CC2D2A: variants seen among roughly 807,000 people sequenced by gnomAD.
CC2D2A encodes the protein coiled-coil and C2 domain-containing protein 2A.
A neutral mutation model predicts 212.9 loss-of-function variants in CC2D2A; 155 were observed. The ratio of observed to expected loss-of-function variants is 0.73; its 90% CI spans 0.64 to 0.83. CC2D2A has a LOEUF of 0.83. Among genes scored for constraint, CC2D2A ranks in the 40% least tolerant of loss-of-function variants. CC2D2A has a pLI of 0.00. For synonymous variants in CC2D2A, 667 were observed against 686.5 expected, an observed-to-expected ratio of 0.97 and a Z score of 0.44; for missense variants, 1,856 against 1,956.2, an observed-to-expected ratio of 0.95 and a Z score of 0.97.
intron 1 of CC2D2A, among the ~76,000 whole-genome samples, chr4:15,473,932 G>C (rs1286878775): frequency 1.3e-5 from 2 of 152,176 alleles, no homozygotes; most frequent in Non-Finnish European, 2.9e-5. Context: ...AGGAGTAAAA[G>C]CAAAGAACTT....
chr4:15,568,081 A>G (rs974510291), intron 26 of CC2D2A, among the ~76,000 whole-genome samples: 12 of 151,932 alleles, frequency 7.9e-5, no homozygotes, highest in Admixed American at 2.0e-4. Context: ...CTTGACCCCA[A>G]TGACCTACAC....
intron 11 of CC2D2A, among the ~76,000 whole-genome samples, chr4:15,517,320 TC>T (rs1362408365): frequency 2.0e-5 from 3 of 152,274 alleles, no homozygotes; most frequent in East Asian, 3.9e-4. Context: ...TTTTTACACA[TC>T]CAGGTTAGCT....
At chr4:15,581,758 A>C (rs368973740) in intron 30 of CC2D2A, among the ~76,000 whole-genome samples, 3 of 152,246 alleles carry the variant, frequency 2.0e-5, no homozygotes, top group East Asian at 3.8e-4. Flanking sequence ...TAACCCAAAA[A>C]AACTTCAACT....
intron 9 of CC2D2A, 54 bp from the exon 10 acceptor site, chr4:15,515,814 T>G: frequency 2.6e-5 from 38 of 1,474,740 alleles, no homozygotes; most frequent in Non-Finnish European, 3.3e-5. Flanking sequence ...AACTGCAGTT[T>G]GAGATATTTA....
intron 28 of CC2D2A, 32 bp downstream of exon 28, chr4:15,570,528 C>A: frequency 7.1e-7 from 1 of 1,411,848 alleles, no homozygotes; most frequent in Non-Finnish European, 9.9e-7. Context: ...TCCATGAGAG[C>A]AGGGAATTTC....
rs756426571 is a variant in CC2D2A, at chr4:15,567,423, C to CATG, written c.3230_3232dup (p.His1077_Ala1078insAsp). The CATG allele has an allele frequency of 1.2e-6, 2 of 1,613,438 alleles. No individual in the cohort carries two copies. Among genetic ancestry groups the CATG allele is most frequent in the African/African-American group, 2.7e-5 (2 of 74,886 alleles). ...GTCTTCAAGGATGTTCAGTGAAAAG[C>CATG]ATGCTGCTTCCCCAAGCACGTACAG... On this transcript the variant is annotated inframe_insertion, in exon 25 of 37. Coordinates refer to ENST00000424120, the MANE Select transcript of CC2D2A (RefSeq NM_001378615.1).
At chr4:15,567,591 C>G in intron 25 of CC2D2A, 86 bp from the exon 26 acceptor site, 5 of 1,304,890 alleles carry the variant, frequency 3.8e-6, no homozygotes, top group Non-Finnish European at 5.3e-6. Flanking sequence ...TGGAAACATA[C>G]TACTTAGTAA....
intron 35 of CC2D2A, among the ~76,000 whole-genome samples, chr4:15,597,983 C>T (rs950530935): frequency 1.3e-5 from 2 of 152,160 alleles, no homozygotes; most frequent in Non-Finnish European, 2.9e-5. Context: ...CCAGCCCAAC[C>T]TTTCTGATTT....
At chr4:15,486,345 G>T (rs1323571595) in intron 4 of CC2D2A, among the ~76,000 whole-genome samples, 2 of 151,874 alleles carry the variant, frequency 1.3e-5, no homozygotes, top group Admixed American at 1.3e-4. Flanking sequence ...CTTGTTTTTT[G>T]TCTATTCAGA....
rs907235955 is a variant in CC2D2A, at chr4:15,599,770, A to G, written c.4674+64A>G. On this transcript the variant is annotated intron_variant, in intron 36 of 36. Coordinates refer to ENST00000424120, the MANE Select transcript of CC2D2A (RefSeq NM_001378615.1). ...CTTGTTTCAAATTGGAAATTAGCCA[A>G]TAATAGGTTTCTGGAATCAAAAGAC... The G allele has an allele frequency of 4.1e-5, 55 of 1,328,436 alleles. No homozygotes were observed. In the African/African-American group the frequency reaches 6.8e-4, roughly 16 times the overall value. 82.3% of individuals were successfully genotyped at this position (1,328,436 alleles called of 1,614,324 possible).
intron 24 of CC2D2A, 110 bp from the exon 25 acceptor site, chr4:15,567,267 C>T: frequency 1.2e-6 from 1 of 808,064 alleles, no homozygotes; most frequent in South Asian, 1.7e-5. Context: ...CACTGCACTT[C>T]AGCTTGGGCG....
At chr4:15,534,100 G>T (rs527895407) in intron 14 of CC2D2A, among the ~76,000 whole-genome samples, 1 of 152,194 alleles carries the variant, frequency 6.6e-6, no homozygotes, top group South Asian at 2.1e-4. Context: ...TTTCATACAT[G>T]CATTGACTAT....
chr4:15,519,624 A>G (rs1020054086), intron 11 of CC2D2A: 5 of 432,280 alleles, frequency 1.2e-5, no homozygotes, highest in South Asian at 8.7e-5. Flanking sequence ...ACAGTTCCAC[A>G]TGGCTGGGGA....
chr4:15,491,045 C>T (rs1454517375), intron 4 of CC2D2A, among the ~76,000 whole-genome samples: 4 of 152,250 alleles, frequency 2.6e-5, no homozygotes, highest in Non-Finnish European at 4.4e-5. Flanking sequence ...CCGAAGCTCC[C>T]GGCCGAATAA....
chr4:15,571,963 C>T (rs1027467142), intron 28 of CC2D2A, among the ~76,000 whole-genome samples: 3 of 152,252 alleles, frequency 2.0e-5, no homozygotes, highest in South Asian at 2.1e-4. Flanking sequence ...AAACCCACTA[C>T]CTTCTGAGGC....
Position 15,470,733 on chromosome 4 carries a change from A to C in CC2D2A, c.-19+676A>C, listed in dbSNP as rs1237894588. ...TATATATATATATATATATATATAT[A>C]TCCTAGAGCTCACTTATAGAGTCAT... On this transcript the variant is annotated intron_variant, in intron 1 of 36. Coordinates refer to ENST00000424120, the MANE Select transcript of CC2D2A (RefSeq NM_001378615.1). Among the ~76,000 whole-genome samples the C allele has an allele frequency of 1.0e-4, 13 of 128,124 alleles. 1 individual carries two copies. The highest frequency in any genetic ancestry group is 7.1e-4 in the Admixed American group (8 of 11,270). 84.1% of individuals were successfully genotyped at this position (128,124 alleles called of 152,430 possible).
At chr4:15,590,776 G>A (rs911235958) in intron 33 of CC2D2A, among the ~76,000 whole-genome samples, 7 of 151,966 alleles carry the variant, frequency 4.6e-5, no homozygotes, top group African/African-American at 9.7e-5. Flanking sequence ...TCGCTCTGTC[G>A]CCTAGGCTGG....
chr4:15,582,562 T>C (rs73125637), intron 30 of CC2D2A, among the ~76,000 whole-genome samples: 30,854 of 152,026 alleles, frequency 0.2, 3,443 homozygotes, highest in Non-Finnish European at 0.25. Flanking sequence ...AAGAGACTTA[T>C]TTGAACAATT....
In CC2D2A at chr4:15,540,826, T is replaced by A; in HGVS notation, c.2004-11T>A. 3 of 1,591,162 alleles carry A rather than the reference T, an allele frequency of 1.9e-6. No homozygotes were observed. The highest frequency in any genetic ancestry group is 1.7e-6 in the Non-Finnish European group (2 of 1,168,310). ...TTACTAACTCCACCTGTGAATGGTC[T>A]CCTTTTGCAGAGCGGAGGTCTCGAG... On this transcript the variant is annotated splice_polypyrimidine_tract_variant and intron_variant, in intron 16 of 36. Coordinates refer to ENST00000424120, the MANE Select transcript of CC2D2A (RefSeq NM_001378615.1).
Sources: allele counts gnomAD v4.1 joint callset (sites outside exome capture counted in the v4.1 genomes callset), GRCh38; gene constraint gnomAD v4.1.1; transcripts MANE v1.5; gene names NCBI Gene and HGNC (gene_info 2026-07-23, HGNC 2026-07-21).